The following DLGAP2 variants were observed in gnomAD, a reference collection of about 807,000 sequenced individuals.
The protein encoded by DLGAP2 is disks large-associated protein 2.
A neutral mutation model predicts 100.3 loss-of-function variants in DLGAP2; 26 were observed. The ratio of observed to expected loss-of-function variants is 0.26; its 90% CI spans 0.19 to 0.36. DLGAP2 has a LOEUF of 0.36. Ranked by LOEUF, DLGAP2 falls within the 10% of genes least tolerant of loss-of-function variation. The probability of loss-of-function intolerance (pLI) is 1.00; values close to 1 mark genes in which losing one functional copy is unlikely to be tolerated. For missense variants in DLGAP2, 1,858 were observed against 1,453.2 expected (o/e 1.28, Z -4.53); for synonymous variants, 886 against 630.1 (o/e 1.41, Z -6.08).
Position 1,534,902 on chromosome 8 carries a change from A to G in DLGAP2, c.173-13724A>G, listed in dbSNP as rs574470296. On this transcript the variant is annotated intron_variant, in intron 4 of 14. Transcript: ENST00000637795. ...TGGAACACATTATAAGAGTTAATGA[A>G]ATCCTAAATATTAGCTGAGATTGTG... Among the ~76,000 whole-genome samples, 20 of 152,372 alleles carry G rather than the reference A, an allele frequency of 1.3e-4. No homozygotes were observed. The East Asian group carries it at 3.9e-3, about 29-fold the overall frequency.
intron 2 of DLGAP2, chr8:926,925 G>A (rs1360697701): frequency 1.4e-6 from 1 of 713,262 alleles, no homozygotes; most frequent in Non-Finnish European, 1.7e-6. Context: ...TGTTCCCTGA[G>A]CCGGATTAAA....
intron 1 of DLGAP2, among the ~76,000 whole-genome samples, chr8:816,936 C>G (rs748670126): frequency 1.3e-5 from 2 of 152,218 alleles, no homozygotes; most frequent in East Asian, 3.9e-4. Context: ...GTCAGGAGAT[C>G]GAGACTATCC....
intron 4 of DLGAP2, among the ~76,000 whole-genome samples, chr8:1,544,986 C>T (rs749291851): frequency 2.4e-4 from 37 of 152,102 alleles, no homozygotes; most frequent in Non-Finnish European, 7.3e-5. Context: ...CCATCTCAGC[C>T]GCCCAAAGTG....
intron 4 of DLGAP2, among the ~76,000 whole-genome samples, chr8:1,527,003 G>T (rs543149853): frequency 2.6e-5 from 4 of 151,818 alleles, no homozygotes; most frequent in Admixed American, 1.3e-4. Context: ...CCGTTACCAC[G>T]ACTTCGCATC....
intron 4 of DLGAP2, among the ~76,000 whole-genome samples, chr8:1,517,438 C>T (rs987392401): frequency 2.0e-5 from 3 of 152,158 alleles, no homozygotes; most frequent in Non-Finnish European, 4.4e-5. Flanking sequence ...CCTTACGTCT[C>T]AGGGCGTTTC....
intron 2 of DLGAP2, among the ~76,000 whole-genome samples, chr8:1,146,103 C>A (rs1053515700): frequency 6.6e-5 from 10 of 152,158 alleles, no homozygotes; most frequent in African/African-American, 2.4e-4. Flanking sequence ...ACCCACACAC[C>A]CACTGCCAGG....
chr8:1,417,692 G>GAGGCACGGGGA (rs145476280), intron 3 of DLGAP2, among the ~76,000 whole-genome samples: 1 of 69,680 alleles, frequency 1.4e-5, no homozygotes, highest in Non-Finnish European at 3.5e-5. Context: ...GGGGCACAGG[G>GAGGCACGGGGA]GGCCCCACTC....
chr8:809,202 G>A (rs990335500), intron 1 of DLGAP2, among the ~76,000 whole-genome samples: 3 of 152,096 alleles, frequency 2.0e-5, no homozygotes, highest in Non-Finnish European at 4.4e-5. Flanking sequence ...ACTGCGCCCG[G>A]CCAATGATTA....
At chr8:1,212,691 G>A (rs1798130383) in intron 2 of DLGAP2, among the ~76,000 whole-genome samples, 1 of 152,060 alleles carries the variant, frequency 6.6e-6, no homozygotes, top group African/African-American at 2.4e-5. Context: ...CACCCTGGGA[G>A]TGATTAAGAA....
intron 8 of DLGAP2, among the ~76,000 whole-genome samples, chr8:1,652,356 G>A (rs1798186957): frequency 6.6e-6 from 1 of 152,168 alleles, no homozygotes; most frequent in South Asian, 2.1e-4. Context: ...ACAGGGGCCG[G>A]GTTTTCCTCG....
chr8:965,270 CGCG>C (rs1799826887), intron 2 of DLGAP2, among the ~76,000 whole-genome samples: 1 of 138,942 alleles, frequency 7.2e-6, no homozygotes, highest in African/African-American at 2.8e-5. Context: ...GCCCAACCCC[CGCG>C]TGCACACGGC....
chr8:1,575,717 T>C (rs953721193), intron 6 of DLGAP2, among the ~76,000 whole-genome samples: 8 of 147,302 alleles, frequency 5.4e-5, no homozygotes, highest in African/African-American at 2.0e-4. Flanking sequence ...GAACATGTGG[T>C]GTTTGGTTTT....
chr8:1,489,001 C>T lies in DLGAP2; in HGVS notation c.107-12365C>T, dbSNP rs77244794. Among the ~76,000 whole-genome samples the T allele has an allele frequency of 2.5e-4, 38 of 152,220 alleles. 1 individual carries two copies. Among genetic ancestry groups the T allele is most frequent in the Admixed American group, 2.3e-3 (35 of 15,298 alleles). On this transcript the variant is annotated intron_variant, in intron 3 of 14. Transcript: ENST00000637795. ...TGGATAGAACCCCACAGACTCAACTCGCATTCAGCTTAAATAATCCGCACT... is the reference window on the plus strand; with the variant it reads ...TGGATAGAACCCCACAGACTCAACTTGCATTCAGCTTAAATAATCCGCACT...
chr8:815,438 G>A (rs10867027), intron 1 of DLGAP2, among the ~76,000 whole-genome samples: 146,721 of 152,320 alleles, frequency 0.96, 70,904 homozygotes, highest in Non-Finnish European at 1. Flanking sequence ...ACAGTGGTCA[G>A]TCAGTATTTG....
rs1363923859 is a variant in DLGAP2, at chr8:1,339,015, C to G, written c.106+80132C>G. Among the ~76,000 whole-genome samples, 4 of 150,576 alleles carry G rather than the reference C, an allele frequency of 2.7e-5. 1 individual carries two copies. Among genetic ancestry groups the G allele is most frequent in the Admixed American group, 2.0e-4 (3 of 15,100 alleles). ...CAGGACCTGGCAGGGAATGCAGTGACCTAAGGGAAGTGTCAGGACCTGGCA... is the reference window on the plus strand; with the variant it reads ...CAGGACCTGGCAGGGAATGCAGTGAGCTAAGGGAAGTGTCAGGACCTGGCA... On this transcript the variant is annotated intron_variant, in intron 3 of 14. Coordinates refer to ENST00000637795, the MANE Select transcript of DLGAP2 (RefSeq NM_001346810.2).
At chr8:1,292,616 C>T (rs1050165543) in intron 3 of DLGAP2, among the ~76,000 whole-genome samples, 6 of 152,156 alleles carry the variant, frequency 3.9e-5, no homozygotes, top group South Asian at 2.1e-4. Context: ...GTAGGTTGAG[C>T]AAAAAGACAA....
At chr8:964,796 A>G (rs1799807295) in intron 2 of DLGAP2, among the ~76,000 whole-genome samples, 1 of 152,164 alleles carries the variant, frequency 6.6e-6, no homozygotes, top group Admixed American at 6.5e-5. Context: ...CTCTGTGCAG[A>G]TTCTACTGGA....
At chr8:1,242,655 C>G (rs551787557) in intron 2 of DLGAP2, among the ~76,000 whole-genome samples, 8 of 152,300 alleles carry the variant, frequency 5.3e-5, no homozygotes, top group African/African-American at 1.9e-4. Context: ...TCTTAGGATT[C>G]CCTGATTAAC....
chr8:1,629,865 C>A (rs575483545), intron 7 of DLGAP2, among the ~76,000 whole-genome samples: 3 of 152,308 alleles, frequency 2.0e-5, no homozygotes, highest in South Asian at 2.1e-4. Context: ...GACTCGTCGT[C>A]CTGTTTGGGG....
Sources: gnomAD v4.1 joint callset for allele counts (sites outside exome capture counted in the v4.1 genomes callset) on GRCh38, gnomAD v4.1.1 for gene constraint, MANE v1.5 for transcripts, NCBI Gene and HGNC (gene_info 2026-07-23, HGNC 2026-07-21) for gene names.